The following PLEKHH2 variants were observed in gnomAD, a reference collection of about 807,000 sequenced individuals.
The protein encoded by PLEKHH2 is pleckstrin homology domain-containing family H member 2.
In PLEKHH2, 129 loss-of-function variants were observed where a neutral mutation model predicts 187.9. The ratio of observed to expected loss-of-function variants is 0.69; its 90% confidence interval spans 0.59 to 0.79. PLEKHH2 has a LOEUF of 0.79. PLEKHH2 is among the 30% of genes least tolerant of loss of function. The probability of loss-of-function intolerance (pLI) is 0.00; values close to 1 mark genes in which losing one functional copy is unlikely to be tolerated. For synonymous variants in PLEKHH2, 686 were observed against 605.6 expected (o/e 1.13, Z -1.95); for missense variants, 2,076 against 1,751.2 (o/e 1.19, Z -3.31).
At chr2:43,700,931 A>C (rs897098849) in intron 8 of PLEKHH2, among the ~76,000 whole-genome samples, 12 of 152,018 alleles carry the variant, frequency 7.9e-5, no homozygotes, top group African/African-American at 2.7e-4. Context: ...ACTCATTTTC[A>C]AGTTTTACTT....
At chr2:43,750,509 T>G (rs1165449497) in intron 24 of PLEKHH2, among the ~76,000 whole-genome samples, 1 of 151,464 alleles carries the variant, frequency 6.6e-6, no homozygotes, top group Non-Finnish European at 1.5e-5. Context: ...AGAGAGACTC[T>G]CATGATTCCA....
intron 26 of PLEKHH2, among the ~76,000 whole-genome samples, chr2:43,757,906 A>C (rs941748150): frequency 9.9e-5 from 15 of 152,200 alleles, no homozygotes; most frequent in African/African-American, 3.6e-4. Flanking sequence ...CATACCAAAA[A>C]ATTATATTTT....
At position 43,749,250 on chromosome 2, in the gene PLEKHH2, C is replaced by T. The variant is rs984495262; in HGVS notation, c.3653+3287C>T. On this transcript the variant is annotated intron_variant, in intron 24 of 29. Transcript: ENST00000282406. The stretch of plus-strand genomic sequence containing the variant: ...TCGTGAATAAAAATTTTTTGGTTGA[C>T]AGTTGGTTGAGTTTATCCAAAGACC... 4.6e-5 allele frequency among the ~76,000 whole-genome samples: 7 copies of T among 152,218 alleles called. No homozygotes were observed. The South Asian group carries it at 1.5e-3, about 32-fold the overall frequency.
intron 2 of PLEKHH2, among the ~76,000 whole-genome samples, chr2:43,650,811 A>T (rs1017760869): frequency 2.0e-5 from 3 of 151,528 alleles, no homozygotes; most frequent in Non-Finnish European, 4.4e-5. Flanking sequence ...ATGCCTGGCT[A>T]ATTTTTTGTA....
chr2:43,726,899 T>C (rs1434293200), intron 17 of PLEKHH2, among the ~76,000 whole-genome samples: 1 of 151,648 alleles, frequency 6.6e-6, no homozygotes, highest in East Asian at 1.9e-4. Flanking sequence ...TATCATTCAA[T>C]ACATATGATT....
At chr2:43,727,171 C>T (rs1210743557) in intron 17 of PLEKHH2, among the ~76,000 whole-genome samples, 1 of 151,932 alleles carries the variant, frequency 6.6e-6, no homozygotes, top group East Asian at 1.9e-4. Context: ...CCCAGCACTT[C>T]GGGAGGCCGA....
rs574323195 is a variant in PLEKHH2, at chr2:43,716,779, TG to T, written c.2461-3887del. Among the ~76,000 whole-genome samples, 10 of 152,362 alleles carry T rather than the reference TG, an allele frequency of 6.6e-5. No homozygotes were observed. The South Asian group carries it at 1.9e-3, about 28-fold the overall frequency. On this transcript the variant is annotated intron_variant, in intron 15 of 29. Transcript: ENST00000282406. ...GATATTTGAAATTAATGTTTTATTA[TG>T]GGCATTGCCAATGTATGTGAAAATA...
At position 43,750,021 on chromosome 2, in the gene PLEKHH2, A is replaced by G. The variant is rs1441327852; in HGVS notation, c.3654-3598A>G. Among the ~76,000 whole-genome samples, 5 of 152,238 alleles carry G rather than the reference A, an allele frequency of 3.3e-5. No individual in the cohort carries two copies. In the East Asian group the frequency reaches 7.7e-4, roughly 23 times the overall value. On this transcript the variant is annotated intron_variant, in intron 24 of 29. Coordinates refer to ENST00000282406, the MANE Select transcript of PLEKHH2 (RefSeq NM_172069.4). ...AATTCTATTCATAGTTAAGCTTCTT[A>G]TTTAATTTGATTTCTCACTGTGTTT...
chr2:43,733,305 C>A (rs995478694), intron 19 of PLEKHH2, among the ~76,000 whole-genome samples: 2 of 149,862 alleles, frequency 1.3e-5, no homozygotes, highest in Non-Finnish European at 3.0e-5. Context: ...GGAGGTTGCA[C>A]TGAGCCGAGA....
At chr2:43,680,831 G>T in intron 3 of PLEKHH2, 1 of 461,150 alleles carries the variant, frequency 2.2e-6, no homozygotes, top group South Asian at 2.5e-5. Flanking sequence ...GATTGTATTT[G>T]CTTGACTTAT....
At chr2:43,665,776 T>C (rs1199013996) in intron 2 of PLEKHH2, among the ~76,000 whole-genome samples, 1 of 134,490 alleles carries the variant, frequency 7.4e-6, no homozygotes, top group Non-Finnish European at 1.6e-5. Flanking sequence ...GCCTCCCAGT[T>C]AGGCTGCTCC....
At chr2:43,703,079 A>T (rs1269312652) in intron 8 of PLEKHH2, among the ~76,000 whole-genome samples, 1 of 152,178 alleles carries the variant, frequency 6.6e-6, no homozygotes, top group Non-Finnish European at 1.5e-5. Flanking sequence ...TCAGCCAGGC[A>T]CTATTCAATC....
chr2:43,726,774 A>G lies in PLEKHH2; in HGVS notation c.2721+323A>G, dbSNP rs148141630. 3.5e-3 allele frequency among the ~76,000 whole-genome samples: 527 copies of G among 152,290 alleles called. 2 individuals are homozygous for G. Among genetic ancestry groups the G allele is most frequent in the African/African-American group, 0.012 (485 of 41,558 alleles). On this transcript the variant is annotated intron_variant, in intron 17 of 29. Transcript: ENST00000282406. ...AGGACTCTGTTTTATATTTTTGACT[A>G]ATTTTTAATAAAATTTGGCCTTAGA...
chr2:43,707,451 A>G lies in PLEKHH2; in HGVS notation c.1872A>G (p.Ser624=), dbSNP rs889458112. ...SSPFLDDSSG[S]EEEDSSRSSS... ...CTTTCCTGGATGACTCATCTGGGTC[A>G]GAGGAAGAAGACAGCTCCAGATCCA... is the stretch of plus-strand genomic sequence containing the variant. Residue 624 remains serine (S), a synonymous_variant, in exon 11 of 30, where the codon TCA becomes TCG. Coordinates refer to ENST00000282406, the MANE Select transcript of PLEKHH2 (RefSeq NM_172069.4). The G allele has an allele frequency of 1.9e-6, 3 of 1,614,170 alleles. No individual in the cohort carries two copies. In the Admixed American group the frequency reaches 5.0e-5, roughly 27 times the overall value.
At chr2:43,702,435 A>T (rs773315084) in intron 8 of PLEKHH2, among the ~76,000 whole-genome samples, 45 of 151,784 alleles carry the variant, frequency 3.0e-4, no homozygotes, top group Non-Finnish European at 5.0e-4. Flanking sequence ...AGGCAGCAAG[A>T]AATTGAAATT....
chr2:43,719,826 A>G (rs1394022142), intron 15 of PLEKHH2, among the ~76,000 whole-genome samples: 1 of 152,238 alleles, frequency 6.6e-6, no homozygotes, highest in Non-Finnish European at 1.5e-5. Context: ...TATGAAATAT[A>G]CTGGTGAAAT....
intron 15 of PLEKHH2, 45 bp downstream of exon 15, chr2:43,712,428 A>G (rs574286282): frequency 1.3e-6 from 2 of 1,574,170 alleles, no homozygotes; most frequent in Non-Finnish European, 1.7e-6. Flanking sequence ...AGCTATGGGC[A>G]TGAGCCCATG....
Position 43,738,449 on chromosome 2 carries a change from A to G in PLEKHH2, c.3052A>G (p.Asn1018Asp), listed in dbSNP as rs1671402672. 1 of 1,613,914 alleles carries G rather than the reference A, an allele frequency of 6.2e-7. No homozygotes were observed. Among genetic ancestry groups the G allele is most frequent in the African/African-American group, 1.3e-5 (1 of 74,922 alleles). Residue 1018 changes from asparagine to aspartate, a missense_variant, in exon 20 of 30, where the codon AAT becomes GAT. Coordinates refer to ENST00000282406, the MANE Select transcript of PLEKHH2 (RefSeq NM_172069.4). ...CTGCCTGACACATCCTGAGCTGCAGAATGAAATTTGCTGTCAGCTTATTAA... is the reference window on the plus strand; with the variant it reads ...CTGCCTGACACATCCTGAGCTGCAGGATGAAATTTGCTGTCAGCTTATTAA... ...QICLTHPELQNEICCQLIKQT... is the reference protein window; with the variant it reads ...QICLTHPELQDEICCQLIKQT...
At chr2:43,747,690 A>T (rs1156335697) in intron 24 of PLEKHH2, among the ~76,000 whole-genome samples, 1 of 152,196 alleles carries the variant, frequency 6.6e-6, no homozygotes, top group Non-Finnish European at 1.5e-5. Flanking sequence ...TTATAACAAA[A>T]TAATGGTATT....
Sources: gnomAD v4.1 joint callset for allele counts (sites outside exome capture counted in the v4.1 genomes callset) on GRCh38, gnomAD v4.1.1 for gene constraint, MANE v1.5 for transcripts, NCBI Gene and HGNC (gene_info 2026-07-23, HGNC 2026-07-21) for gene names.